Variants in SMOC1 observed in about 807,000 individuals in gnomAD.
SMOC1 encodes SPARC related modular calcium binding 1, also known as SPARC-related modular calcium-binding protein 1.
In SMOC1, 22 loss-of-function variants were observed where a neutral mutation model predicts 56.3. The ratio of observed to expected loss-of-function variants is 0.39; its 90% CI spans 0.28 to 0.56. The LOEUF is 0.56. Ranked by LOEUF, SMOC1 falls within the 20% of genes least tolerant of loss-of-function variation. SMOC1 has a pLI of 0.61. For synonymous variants in SMOC1, 193 were observed against 215.0 expected, an observed-to-expected ratio of 0.90 and a Z score of 0.89; for missense variants, 509 against 565.4, an observed-to-expected ratio of 0.90 and a Z score of 1.01.
chr14:69,979,153 C>G (rs1446995047), intron 5 of SMOC1, among the ~76,000 whole-genome samples: 3 of 152,122 alleles, frequency 2.0e-5, no homozygotes, highest in African/African-American at 7.2e-5. Context: ...GTCCTGCACA[C>G]ACAGTTGCAG....
chr14:70,019,656 A>C (rs973552095), intron 10 of SMOC1, among the ~76,000 whole-genome samples: 2 of 152,232 alleles, frequency 1.3e-5, no homozygotes, highest in Middle Eastern at 3.4e-3. Flanking sequence ...TTCTTGGGCT[A>C]TGGCTTTGTG....
rs141593635 is a variant in SMOC1 at position 69,930,798 on chromosome 14, G to T, written c.100-21340G>T. ...TGATGCAGCTCTTGGCCTGGAGCTGGGAATGCAGGGGGTGACCTGATTCCA... is the reference window on the plus strand; with the variant it reads ...TGATGCAGCTCTTGGCCTGGAGCTGTGAATGCAGGGGGTGACCTGATTCCA... On this transcript the variant is annotated intron_variant, in intron 1 of 11. Coordinates refer to ENST00000361956, the MANE Select transcript of SMOC1 (RefSeq NM_001034852.3). Among the ~76,000 whole-genome samples, 794 of 152,324 alleles carry T rather than the reference G, an allele frequency of 5.2e-3. 6 individuals are homozygous for T. Among genetic ancestry groups the T allele is most frequent in the African/African-American group, 0.018 (738 of 41,578 alleles).
intron 7 of SMOC1, among the ~76,000 whole-genome samples, chr14:70,002,836 C>T (rs1885016771): frequency 6.6e-6 from 1 of 152,202 alleles, no homozygotes; most frequent in Non-Finnish European, 1.5e-5. Context: ...AGGGCCTGCT[C>T]AGTGATGTCC....
chr14:69,977,092 A>G (rs1883989654), intron 4 of SMOC1, among the ~76,000 whole-genome samples: 1 of 152,252 alleles, frequency 6.6e-6, no homozygotes, highest in Non-Finnish European at 1.5e-5. Flanking sequence ...CAAGCCATGC[A>G]GGATAATATG....
intron 5 of SMOC1, among the ~76,000 whole-genome samples, chr14:69,987,979 G>A (rs1449350549): frequency 6.6e-6 from 1 of 152,198 alleles, no homozygotes; most frequent in African/African-American, 2.4e-5. Context: ...CCAGGGCTCT[G>A]GGACCAGGCA....
At chr14:69,933,548 T>TA (rs1459256806) in intron 1 of SMOC1, among the ~76,000 whole-genome samples, 1 of 152,264 alleles carries the variant, frequency 6.6e-6, no homozygotes, top group African/African-American at 2.4e-5. Context: ...TTGTTTTTTT[T>TA]AGACAGATTC....
chr14:69,999,879 G>C (rs1884904412), intron 7 of SMOC1, among the ~76,000 whole-genome samples: 1 of 152,174 alleles, frequency 6.6e-6, no homozygotes, highest in Non-Finnish European at 1.5e-5. Context: ...AGGTGTGGGA[G>C]GGTGGAGGGA....
At chr14:69,986,274 G>A (rs1284071457) in intron 5 of SMOC1, among the ~76,000 whole-genome samples, 1 of 152,194 alleles carries the variant, frequency 6.6e-6, no homozygotes, top group Non-Finnish European at 1.5e-5. Flanking sequence ...GGGAAAGTGT[G>A]ACAGTAAAAG....
intron 1 of SMOC1, among the ~76,000 whole-genome samples, chr14:69,943,578 A>G (rs1882660767): frequency 6.6e-6 from 1 of 152,218 alleles, no homozygotes; most frequent in East Asian, 1.9e-4. Flanking sequence ...TGAGAGGCGA[A>G]CAGTCCCAGG....
At chr14:69,919,623 T>C (rs1413904490) in intron 1 of SMOC1, among the ~76,000 whole-genome samples, 1 of 152,212 alleles carries the variant, frequency 6.6e-6, no homozygotes, top group African/African-American at 2.4e-5. Flanking sequence ...AATGTGAAGC[T>C]GGGCCTCAAG....
At position 70,010,957 on chromosome 14, in the gene SMOC1, C is replaced by CA. The variant is rs773509443; in HGVS notation, c.857+12dup. Reference sequence around the variant, plus strand: ...TGGGACCTCCACACGGTAAGCCCCCCAGACTGGGTCCTGGGAAAAACGCAC... The same window carrying CA: ...TGGGACCTCCACACGGTAAGCCCCCCAAGACTGGGTCCTGGGAAAAACGCAC... On this transcript the variant is annotated intron_variant, in intron 8 of 11. Transcript: ENST00000361956. 2 of 1,611,928 alleles carry CA rather than the reference C, an allele frequency of 1.2e-6. No individual in the cohort carries two copies. Among genetic ancestry groups the CA allele is most frequent in the Middle Eastern group, 2.2e-4 (1 of 4,550 alleles).
intron 1 of SMOC1, among the ~76,000 whole-genome samples, chr14:69,912,465 C>T (rs778788994): frequency 2.0e-5 from 3 of 152,140 alleles, no homozygotes; most frequent in South Asian, 4.2e-4. Context: ...TTGCCTGAGC[C>T]GGTCTCTAAC....
chr14:69,903,574 C>T (rs1884321734), intron 1 of SMOC1, among the ~76,000 whole-genome samples: 1 of 152,320 alleles, frequency 6.6e-6, no homozygotes, highest in South Asian at 2.1e-4. Context: ...ATTCCTCTGC[C>T]TTGGGATGCT....
At chr14:69,893,278 A>G (rs1297389014) in intron 1 of SMOC1, among the ~76,000 whole-genome samples, 1 of 152,152 alleles carries the variant, frequency 6.6e-6, no homozygotes, top group Non-Finnish European at 1.5e-5. Context: ...AGACCTGTTA[A>G]TTCACTGATT....
chr14:69,971,305 AC>A (rs1244322187), intron 3 of SMOC1, among the ~76,000 whole-genome samples: 7 of 152,202 alleles, frequency 4.6e-5, no homozygotes, highest in African/African-American at 1.7e-4. Flanking sequence ...GGCATGAGCC[AC>A]CGCACCTGGC....
At chr14:69,881,960 C>T (rs1883653063) in intron 1 of SMOC1, among the ~76,000 whole-genome samples, 1 of 152,196 alleles carries the variant, frequency 6.6e-6, no homozygotes, top group Admixed American at 6.5e-5. Flanking sequence ...TGTGCTCTCC[C>T]CACCACCAGG....
intron 1 of SMOC1, among the ~76,000 whole-genome samples, chr14:69,918,946 G>A (rs1394683121): frequency 6.6e-6 from 1 of 152,180 alleles, no homozygotes; most frequent in African/African-American, 2.4e-5. Context: ...TTCTATTTAT[G>A]TGGGTAATGG....
At chr14:70,011,382 G>A (rs1885331399) in intron 8 of SMOC1, 103 bp from the exon 9 acceptor site, 1 of 1,134,342 alleles carries the variant, frequency 8.8e-7, no homozygotes, top group Non-Finnish European at 1.3e-6. Context: ...CACCCTCAGT[G>A]CTTTAGGCTT....
chr14:69,997,464 G>A (rs1206923793), intron 7 of SMOC1, among the ~76,000 whole-genome samples: 1 of 152,210 alleles, frequency 6.6e-6, no homozygotes, highest in Non-Finnish European at 1.5e-5. Flanking sequence ...TCCAATGCTA[G>A]CTTCCTACTG....
Sources: gnomAD v4.1 joint callset for allele counts (sites outside exome capture counted in the v4.1 genomes callset) on GRCh38, gnomAD v4.1.1 for gene constraint, MANE v1.5 for transcripts, NCBI Gene and HGNC (gene_info 2026-07-23, HGNC 2026-07-21) for gene names.